ZDHHC2: variants seen among roughly 807,000 people sequenced by gnomAD.
ZDHHC2 encodes the protein palmitoyltransferase ZDHHC2.
A neutral mutation model predicts 55.6 loss-of-function variants in ZDHHC2; 51 were observed. The ratio of observed to expected loss-of-function variants is 0.92; its 90% confidence interval spans 0.73 to 1.16. ZDHHC2 has a LOEUF of 1.16. Among genes scored for constraint, ZDHHC2 ranks in the 50% most tolerant of loss-of-function variants. The probability of loss-of-function intolerance (pLI) is 0.00; values close to 1 mark genes in which losing one functional copy is unlikely to be tolerated. For synonymous variants in ZDHHC2, 199 were observed against 152.9 expected (o/e 1.30, Z -2.22); for missense variants, 491 against 442.4 (o/e 1.11, Z -0.99).
At chr8:17,190,924 G>C in intron 3 of ZDHHC2, among the ~76,000 whole-genome samples, 1 of 139,434 alleles carries the variant, frequency 7.2e-6, no homozygotes, top group African/African-American at 2.7e-5. Context: ...GCCCTATTGT[G>C]CTGTCAAATA....
At chr8:17,172,746 G>A (rs1013169454) in intron 1 of ZDHHC2, among the ~76,000 whole-genome samples, 2 of 152,126 alleles carry the variant, frequency 1.3e-5, no homozygotes, top group African/African-American at 4.8e-5. Flanking sequence ...TTAGGAGTGT[G>A]CCTGTGTAGT....
intron 10 of ZDHHC2, among the ~76,000 whole-genome samples, chr8:17,212,957 G>A (rs1807459407): frequency 6.6e-6 from 1 of 151,986 alleles, no homozygotes; most frequent in Non-Finnish European, 1.5e-5. Flanking sequence ...CACACTCCTG[G>A]GCTCAAGCAG....
intron 1 of ZDHHC2, 111 bp downstream of exon 1, chr8:17,156,964 G>T: frequency 1.9e-6 from 2 of 1,057,242 alleles, no homozygotes; most frequent in South Asian, 2.2e-5. Context: ...CCCGGGCGCT[G>T]CCAACCTGCC....
rs530373300 is a variant in ZDHHC2 at position 17,166,960 on chromosome 8, A to G, written c.130+10107A>G. Among the ~76,000 whole-genome samples, 59 of 152,328 alleles carry G rather than the reference A, an allele frequency of 3.9e-4. 1 individual carries two copies. Among genetic ancestry groups the G allele is most frequent in the South Asian group, 1.0e-3 (5 of 4,828 alleles). On this transcript the variant is annotated intron_variant, in intron 1 of 12. Transcript: ENST00000262096. ...GGGATATCTGAATTAATTCAATCCAAGTTAAAAAGGCTTTACCCTGTTAGG... is the reference window on the plus strand; with the variant it reads ...GGGATATCTGAATTAATTCAATCCAGGTTAAAAAGGCTTTACCCTGTTAGG...
intron 1 of ZDHHC2, among the ~76,000 whole-genome samples, chr8:17,163,542 A>C (rs954431301): frequency 1.3e-5 from 2 of 151,974 alleles, no homozygotes; most frequent in African/African-American, 4.8e-5. Flanking sequence ...AGAATTTGTG[A>C]TTTTCCTTCT....
intron 1 of ZDHHC2, among the ~76,000 whole-genome samples, chr8:17,178,262 A>C (rs1019442493): frequency 1.3e-5 from 2 of 152,190 alleles, no homozygotes; most frequent in African/African-American, 4.8e-5. Flanking sequence ...TAAATAATCA[A>C]TTGGTAAAAA....
intron 6 of ZDHHC2, among the ~76,000 whole-genome samples, chr8:17,200,881 T>C (rs771794498): frequency 6.6e-6 from 1 of 152,118 alleles, no homozygotes; most frequent in Non-Finnish European, 1.5e-5. Flanking sequence ...TTTTAACCTG[T>C]GTCGTTGTTC....
chr8:17,212,684 G>C (rs989329664), intron 10 of ZDHHC2, among the ~76,000 whole-genome samples: 2 of 152,032 alleles, frequency 1.3e-5, no homozygotes, highest in African/African-American at 4.8e-5. Flanking sequence ...ATATAAGTCA[G>C]ATTGTGTCAC....
chr8:17,220,186 G>A (rs1332008566), intron 12 of ZDHHC2, 70 bp from the exon 13 acceptor site: 1 of 152,178 alleles, frequency 6.6e-6, no homozygotes, highest in Non-Finnish European at 1.5e-5. Context: ...AACAGATTAT[G>A]AAATGAGTTG....
intron 1 of ZDHHC2, among the ~76,000 whole-genome samples, chr8:17,167,122 T>A (rs1010251089): frequency 6.6e-6 from 1 of 152,110 alleles, no homozygotes; most frequent in Non-Finnish European, 1.5e-5. Context: ...GGACATATGT[T>A]TCTTGGATGA....
intron 3 of ZDHHC2, among the ~76,000 whole-genome samples, chr8:17,195,086 T>C (rs2150921546): frequency 6.6e-6 from 1 of 152,326 alleles, no homozygotes; most frequent in African/African-American, 2.4e-5. Context: ...CTCACTTAGG[T>C]AAGAAGATAT....
intron 3 of ZDHHC2, among the ~76,000 whole-genome samples, chr8:17,189,102 GT>G (rs112068030): frequency 1.3e-3 from 155 of 115,782 alleles, no homozygotes; most frequent in Admixed American, 3.3e-3. Flanking sequence ...TTTTTGTTGG[GT>G]TTTTTTTTTT....
chr8:17,207,827 TA>T, intron 7 of ZDHHC2, 132 bp from the exon 8 acceptor site: 1 of 699,000 alleles, frequency 1.4e-6, no homozygotes, highest in Non-Finnish European at 2.0e-6. Flanking sequence ...AGTTTTAACA[TA>T]AAGCCACATT....
chr8:17,174,314 A>G (rs1417094556), intron 1 of ZDHHC2, among the ~76,000 whole-genome samples: 3 of 152,192 alleles, frequency 2.0e-5, no homozygotes, highest in Non-Finnish European at 1.5e-5. Context: ...ATGTGAGAAC[A>G]TAGATTTCTA....
intron 1 of ZDHHC2, among the ~76,000 whole-genome samples, chr8:17,175,916 C>T (rs575970779): frequency 9.9e-5 from 15 of 152,206 alleles, no homozygotes; most frequent in East Asian, 3.9e-4. Flanking sequence ...TGGGCAAAGA[C>T]GCTAAGGTTT....
chr8:17,215,434 T>A (rs1807603973), intron 11 of ZDHHC2, 85 bp downstream of exon 11: 17 of 1,015,886 alleles, frequency 1.7e-5, no homozygotes, highest in African/African-American at 3.3e-5. Flanking sequence ...TTATACTACC[T>A]ACAGATGTTT....
At position 17,221,469 on chromosome 8, in the gene ZDHHC2, A is replaced by G. The variant is rs1361580724; in HGVS notation, c.*1248A>G. The G allele has an allele frequency of 2.0e-5, 3 of 152,448 alleles. No individual in the cohort carries two copies. Among genetic ancestry groups the G allele is most frequent in the South Asian group, 2.1e-4 (1 of 4,828 alleles). 9.4% of individuals were successfully genotyped at this position (152,448 alleles called of 1,614,324 possible). A position where few individuals can be genotyped will look rare whatever the true frequency, so the allele number is the denominator to read the frequency against. ...GAATAATACTCTGTATGCTTTTTTGATACTGATTTTGAGAATTTAAAGCAG... is the reference window on the plus strand; with the variant it reads ...GAATAATACTCTGTATGCTTTTTTGGTACTGATTTTGAGAATTTAAAGCAG... On this transcript the variant is annotated 3_prime_UTR_variant, in exon 13 of 13. Coordinates refer to ENST00000262096, the MANE Select transcript of ZDHHC2 (RefSeq NM_016353.5).
intron 10 of ZDHHC2, among the ~76,000 whole-genome samples, chr8:17,211,532 C>T (rs1349853934): frequency 1.3e-5 from 2 of 152,220 alleles, no homozygotes; most frequent in South Asian, 4.2e-4. Context: ...TCTTGTCACC[C>T]AGGCTGGAGT....
At position 17,156,868 on chromosome 8, in the gene ZDHHC2, C is replaced by G; in HGVS notation, c.130+15C>G. On this transcript the variant is annotated intron_variant, in intron 1 of 12. Transcript: ENST00000262096. ...GCTGTGCATAGGTGAGTGCGCCCCC[C>G]GCCGCGGCGCCCCCAGCGCAGCGCA... The G allele has an allele frequency of 2.0e-6, 3 of 1,487,796 alleles. No homozygotes were observed. The highest frequency in any genetic ancestry group is 2.7e-6 in the Non-Finnish European group (3 of 1,118,084). 92.2% of individuals were successfully genotyped at this position (1,487,796 alleles called of 1,614,324 possible).
Sources: allele counts gnomAD v4.1 joint callset (sites outside exome capture counted in the v4.1 genomes callset), GRCh38; gene constraint gnomAD v4.1.1; transcripts MANE v1.5; gene names NCBI Gene and HGNC (gene_info 2026-07-23, HGNC 2026-07-21).